LTF: variants seen among roughly 807,000 people sequenced by gnomAD.
The protein encoded by LTF is lactotransferrin.
Under a neutral mutation model 87.2 loss-of-function variants are expected in LTF, and 91 were observed. The ratio of observed to expected loss-of-function variants is 1.04; its 90% confidence interval spans 0.88 to 1.24. The LOEUF is 1.24. Ranked by LOEUF, LTF falls within the 50% of genes most tolerant of loss-of-function variation. LTF has a pLI of 0.00. For synonymous variants in LTF, 378 were observed against 356.1 expected (o/e 1.06, Z -0.69); for missense variants, 901 against 904.3 (o/e 1.00, Z 0.05).
upstream of LTF, among the ~76,000 whole-genome samples, chr3:46,467,164 G>C (rs2106912805): frequency 6.6e-6 from 1 of 152,278 alleles, no homozygotes; most frequent in South Asian, 2.1e-4. Context: ...CTGATGTAGG[G>C]GATGAGTCTG....
chr3:46,455,561 C>T, intron 4 of LTF, 119 bp from the exon 5 acceptor site: 1 of 1,313,464 alleles, frequency 7.6e-7, no homozygotes, highest in South Asian at 1.4e-5. Context: ...GCAGGAGAGA[C>T]TCTGTCATGG....
Position 46,437,923 on chromosome 3 carries a change from A to T in LTF, c.2098+17T>A. 5 of 1,610,136 alleles carry T rather than the reference A, an allele frequency of 3.1e-6. No homozygotes were observed. The highest frequency in any genetic ancestry group is 4.2e-6 in the Non-Finnish European group (5 of 1,177,854). On this transcript the variant is annotated intron_variant, in intron 16 of 16. Coordinates refer to ENST00000231751, the MANE Select transcript of LTF (RefSeq NM_002343.6). ...CCCATGGTGGTTTCTCGGGGATGCT[A>T]GCTAGGGTCTACTTACGGGAGGTTG...
At position 46,438,008 on chromosome 3, in the gene LTF, GT is replaced by G; in HGVS notation, c.2029del (p.Thr677HisfsTer17). 1.2e-6 allele frequency: 2 copies of G among 1,613,828 alleles called. No individual in the cohort carries two copies. The highest frequency in any genetic ancestry group is 1.7e-6 in the Non-Finnish European group (2 of 1,179,944). ...ECLARLHGKT[T>X]YEKYLGPQYV... Reference sequence around the variant, plus strand: ...CTGTGGTCCCAAATATTTTTCATATGTTGTTTTGCCATGGAGTCTGGCCAGA... The same window carrying G: ...CTGTGGTCCCAAATATTTTTCATATGTGTTTTGCCATGGAGTCTGGCCAGA... On this transcript the variant is annotated frameshift_variant, in exon 16 of 17. Coordinates refer to ENST00000231751, the MANE Select transcript of LTF (RefSeq NM_002343.6). LOFTEE classifies it high-confidence loss of function.
At chr3:46,453,032 C>T (rs560772648) in intron 6 of LTF, among the ~76,000 whole-genome samples, 8 of 152,280 alleles carry the variant, frequency 5.3e-5, no homozygotes, top group African/African-American at 1.7e-4. Flanking sequence ...CTACCGTTGT[C>T]AGATTTTTGA....
At chr3:46,453,030 G>C (rs1314569922) in intron 6 of LTF, among the ~76,000 whole-genome samples, 1 of 152,196 alleles carries the variant, frequency 6.6e-6, no homozygotes, top group Non-Finnish European at 1.5e-5. Context: ...GACTACCGTT[G>C]TCAGATTTTT....
chr3:46,436,251 G>A (rs369586749), intron 16 of LTF, 22 bp from the exon 17 acceptor site: 17 of 1,611,278 alleles, frequency 1.1e-5, no homozygotes, highest in Non-Finnish European at 1.4e-5. Context: ...AACAGAGCAA[G>A]AGATTCAGAA....
rs748110233 is a variant in LTF, at chr3:46,456,402, A to C, written c.208-4T>G. The C allele has an allele frequency of 6.2e-7, 1 of 1,613,108 alleles. No homozygotes were observed. Among genetic ancestry groups the C allele is most frequent in the South Asian group, 1.1e-5 (1 of 91,050 alleles). On this transcript the variant is annotated splice_region_variant and splice_polypyrimidine_tract_variant and intron_variant, in intron 2 of 16. Transcript: ENST00000231751. ...TCACAGCATCGGCCCTGTTTTCCTG[A>C]AAGTAAAGAGGCCAGACTGGCTTCA...
At position 46,464,808 on chromosome 3, in the gene LTF, C is replaced by A; in HGVS notation, c.43+17G>T. 6.2e-7 allele frequency: 1 copy of A among 1,613,956 alleles called. No individual in the cohort carries two copies. Among genetic ancestry groups the A allele is most frequent in the South Asian group, 1.1e-5 (1 of 91,074 alleles). ...ACGCCCATCAGGCGGCTCGCGCCCC[C>A]AGGCACCTGCACTCACCGAGGGCCC... On this transcript the variant is annotated intron_variant, in intron 1 of 16. Transcript: ENST00000231751.
chr3:46,479,151 G>A (rs906373610), intron 1 of LTF, among the ~76,000 whole-genome samples: 2 of 152,364 alleles, frequency 1.3e-5, no homozygotes, highest in African/African-American at 4.8e-5. Flanking sequence ...CCACGCCTGT[G>A]CCCAAGGCTC....
Position 46,449,970 on chromosome 3 carries a change from T to C in LTF, c.941A>G (p.Gln314Arg). 1 of 1,614,094 alleles carries C rather than the reference T, an allele frequency of 6.2e-7. No individual in the cohort carries two copies. Among genetic ancestry groups the C allele is most frequent in the Non-Finnish European group, 8.5e-7 (1 of 1,179,968 alleles). The change falls in exon 8 of 17, where the codon CAG (glutamine) becomes CGG (arginine). Residue 314 changes from glutamine to arginine, a missense_variant. Transcript: ENST00000231751. ...KFQLFGSPSGQKDLLFKDSAI... is the reference protein window; with the variant it reads ...KFQLFGSPSGRKDLLFKDSAI... ...AGAGTCCTTGAACAGCAGATCTTTCTGCCCACTAGGGGAGCCAAAGAGCTG... is the reference window on the plus strand; with the variant it reads ...AGAGTCCTTGAACAGCAGATCTTTCCGCCCACTAGGGGAGCCAAAGAGCTG...
chr3:46,458,529 A>G (rs1046844975), intron 2 of LTF, among the ~76,000 whole-genome samples: 24 of 152,196 alleles, frequency 1.6e-4, no homozygotes, highest in Admixed American at 1.4e-3. Context: ...GAGCCTAGGA[A>G]TCTGCATTTT....
rs532264741 is a variant in LTF at position 46,463,753 on chromosome 3, G to A, written c.43+1072C>T. 11 of 561,916 alleles carry A rather than the reference G, an allele frequency of 2.0e-5. No individual in the cohort carries two copies. In the East Asian group the frequency reaches 1.3e-3, roughly 66 times the overall value. The allele number at this position is 561,916 out of a possible 1,614,324, so 34.8% of individuals were successfully genotyped here. ...AGGTGGCCCTAACCCTGTGCAACAG[G>A]CCACTCGCCAGGGAGCTTGAGGGGA... On this transcript the variant is annotated intron_variant, in intron 1 of 16. Transcript: ENST00000231751.
chr3:46,436,047 T>G lies in LTF; in HGVS notation c.*148A>C. The G allele has an allele frequency of 1.4e-6, 1 of 723,542 alleles. No individual in the cohort carries two copies. The highest frequency in any genetic ancestry group is 2.5e-5 in the East Asian group (1 of 40,044). 44.8% of individuals were successfully genotyped at this position (723,542 alleles called of 1,614,324 possible). A position where few individuals can be genotyped will look rare whatever the true frequency, so the allele number is the denominator to read the frequency against. On this transcript the variant is annotated 3_prime_UTR_variant, in exon 17 of 17. Coordinates refer to ENST00000231751, the MANE Select transcript of LTF (RefSeq NM_002343.6). ...CAAAATTTCTCATTTTACTTCTTGC[T>G]AAGACGACAGCAGGGAATTGTAAGC...
chr3:46,459,898 C>CTGGA, intron 1 of LTF, 79 bp from the exon 2 acceptor site: 1 of 1,053,052 alleles, frequency 9.5e-7, no homozygotes, highest in Non-Finnish European at 1.3e-6. Context: ...TGGAGTTTTC[C>CTGGA]AGACTCCTCC....
intron 9 of LTF, among the ~76,000 whole-genome samples, chr3:46,448,265 G>A (rs1702705177): frequency 6.6e-6 from 1 of 152,190 alleles, no homozygotes; most frequent in East Asian, 1.9e-4. Context: ...TACTTGGGAA[G>A]CTGAGATGGG....
intron 1 of LTF, among the ~76,000 whole-genome samples, chr3:46,471,436 T>G (rs1051237999): frequency 6.6e-6 from 1 of 152,226 alleles, no homozygotes; most frequent in Non-Finnish European, 1.5e-5. Flanking sequence ...ATAGTACTTG[T>G]AACTACTGAC....
At chr3:46,441,685 T>C (rs1447867024) in intron 13 of LTF, 10 of 511,698 alleles carry the variant, frequency 2.0e-5, no homozygotes, top group Non-Finnish European at 3.1e-5. Context: ...ATAAAAGACA[T>C]TACAAAACCA....
intron 1 of LTF, among the ~76,000 whole-genome samples, chr3:46,474,385 A>G (rs977294967): frequency 6.6e-6 from 1 of 152,244 alleles, no homozygotes; most frequent in African/African-American, 2.4e-5. Flanking sequence ...TGTAATAATG[A>G]AAGAGTCAAT....
At chr3:46,476,936 T>C (rs1184377213) in intron 1 of LTF, among the ~76,000 whole-genome samples, 1 of 152,250 alleles carries the variant, frequency 6.6e-6, no homozygotes, top group Non-Finnish European at 1.5e-5. Context: ...GTCTATTCTA[T>C]TGGTAATAGA....
Sources: gnomAD v4.1 joint callset for allele counts (sites outside exome capture counted in the v4.1 genomes callset) on GRCh38, gnomAD v4.1.1 for gene constraint, MANE v1.5 for transcripts, NCBI Gene and HGNC (gene_info 2026-07-23, HGNC 2026-07-21) for gene names.